Variants in SPECC1 observed in about 807,000 individuals in gnomAD.
SPECC1 encodes sperm antigen with calponin homology and coiled-coil domains 1, also known as cytospin-B.
In SPECC1, 62 loss-of-function variants were observed where a neutral mutation model predicts 104.1. That is an observed-to-expected ratio of 0.60 (90% CI 0.49 to 0.74). The LOEUF is 0.74. SPECC1 is among the 30% of genes least tolerant of loss of function. The pLI, the probability that SPECC1 is intolerant of heterozygous loss-of-function variation, is 0.00. For missense variants in SPECC1, 1,306 were observed against 1,310.5 expected (o/e 1.00, Z 0.05); for synonymous variants, 513 against 501.6 (o/e 1.02, Z -0.30).
At position 20,105,540 on chromosome 17, in the gene SPECC1, C is replaced by A. The variant is rs558359585; in HGVS notation, c.148-4887C>A. 2.0e-5 allele frequency among the ~76,000 whole-genome samples: 3 copies of A among 152,286 alleles called. No homozygotes were observed. In the East Asian group the frequency reaches 5.8e-4, roughly 29 times the overall value. On this transcript the variant is annotated intron_variant, in intron 2 of 14. Transcript: ENST00000395527. Reference sequence around the variant, plus strand: ...TTTTGCATGTCCCACTCCCTCCCCACCCTTGAAAACAAAAACAAACCCTGC... The same window carrying A: ...TTTTGCATGTCCCACTCCCTCCCCAACCTTGAAAACAAAAACAAACCCTGC...
intron 5 of SPECC1, among the ~76,000 whole-genome samples, chr17:20,228,064 C>A (rs748734989): frequency 2.0e-5 from 3 of 152,114 alleles, no homozygotes; most frequent in Non-Finnish European, 4.4e-5. Context: ...AAGAAACAAT[C>A]ATTAATCTCC....
chr17:20,164,169 A>ATTTTT (rs757191309), intron 3 of SPECC1, among the ~76,000 whole-genome samples: 1 of 135,304 alleles, frequency 7.4e-6, no homozygotes, highest in Non-Finnish European at 1.6e-5. Context: ...TTCCCATGTA[A>ATTTTT]TTTTTTTTTT....
chr17:20,163,800 A>G (rs760800392), intron 3 of SPECC1, among the ~76,000 whole-genome samples: 2 of 152,084 alleles, frequency 1.3e-5, no homozygotes, highest in African/African-American at 2.4e-5. Context: ...GGCTCAAGCT[A>G]TCCTCCCACC....
intron 13 of SPECC1, among the ~76,000 whole-genome samples, chr17:20,302,031 A>G (rs1323476524): frequency 6.6e-6 from 1 of 152,198 alleles, no homozygotes; most frequent in Non-Finnish European, 1.5e-5. Context: ...TGTTTTCAGT[A>G]AAAAGATAGG....
rs1168474738 is a variant in SPECC1 at position 20,144,175 on chromosome 17, CTTTT to C, written c.283+33637_283+33640del. On this transcript the variant is annotated intron_variant, in intron 3 of 14. Transcript: ENST00000395527. ...TTATTTAATACTGTTTTTTTCTTTT[CTTTT>C]TTTTTTTTTTTTTTTTTTTTTTTGA... is the stretch of plus-strand genomic sequence containing the variant. 6.9e-3 allele frequency among the ~76,000 whole-genome samples: 655 copies of C among 94,346 alleles called. 19 individuals carry two copies. The highest frequency in any genetic ancestry group is 0.014 in the African/African-American group (295 of 20,798). The allele number at this position is 94,346 out of a possible 152,430, so 61.9% of individuals were successfully genotyped here.
At chr17:20,194,588 C>A (rs747503228) in intron 3 of SPECC1, among the ~76,000 whole-genome samples, 2 of 140,756 alleles carry the variant, frequency 1.4e-5, no homozygotes, top group African/African-American at 5.5e-5. Context: ...CTCACTGCAA[C>A]CTCTGCCTCC....
intron 8 of SPECC1, among the ~76,000 whole-genome samples, chr17:20,246,769 A>T (rs1005057884): frequency 3.3e-5 from 5 of 152,246 alleles, no homozygotes; most frequent in Admixed American, 3.3e-4. Context: ...TGCAACAAAC[A>T]TGCCATTGTA....
rs1362544930 is a variant in SPECC1 at position 20,246,056 on chromosome 17, G to A, written c.2482G>A (p.Asp828Asn). Residue 828 changes from aspartate (D) to asparagine (N), a missense_variant, in exon 8 of 15, where the codon GAC becomes AAC. By Grantham distance (23) the Asp-to-Asn change is conservative. This residue lies in a region of SPECC1 where 1,177 missense variants were observed against 1,139.9 expected (regional missense o/e 1.03). Coordinates refer to ENST00000395527, the MANE Select transcript of SPECC1 (RefSeq NM_001243439.2). ...TTVKSLIKSF[D>N]LGRPGGAGQN... ...CGTTAAGTCACTTATCAAGTCATTTGACTTGGGACGCCCAGGTATTTAATC... is the reference window on the plus strand; with the variant it reads ...CGTTAAGTCACTTATCAAGTCATTTAACTTGGGACGCCCAGGTATTTAATC... 1.2e-6 allele frequency: 2 copies of A among 1,614,046 alleles called. No individual in the cohort carries two copies. The highest frequency in any genetic ancestry group is 2.2e-5 in the South Asian group (2 of 91,070).
At chr17:20,015,819 C>T (rs1449748581) in intron 1 of SPECC1, among the ~76,000 whole-genome samples, 1 of 149,640 alleles carries the variant, frequency 6.7e-6, no homozygotes, top group African/African-American at 2.4e-5. Context: ...CTCCTGACCT[C>T]GTGATCCGCC....
intron 1 of SPECC1, among the ~76,000 whole-genome samples, chr17:20,049,691 G>C (rs539120552): frequency 2.0e-5 from 3 of 152,156 alleles, no homozygotes; most frequent in African/African-American, 7.2e-5. Context: ...GTATGTAGGT[G>C]ATTTTCTCTT....
chr17:20,062,902 G>A (rs1390426888), intron 1 of SPECC1, among the ~76,000 whole-genome samples: 1 of 151,742 alleles, frequency 6.6e-6, no homozygotes, highest in Non-Finnish European at 1.5e-5. Context: ...TGGCCAGGCT[G>A]GTCTCGAACT....
chr17:20,312,811 T>A (rs1401056089), intron 14 of SPECC1, among the ~76,000 whole-genome samples: 3 of 152,238 alleles, frequency 2.0e-5, no homozygotes, highest in Non-Finnish European at 4.4e-5. Context: ...TGACTAATGA[T>A]AGGCTGATAA....
chr17:20,172,228 G>T (rs1398165665), intron 3 of SPECC1, among the ~76,000 whole-genome samples: 1 of 152,160 alleles, frequency 6.6e-6, no homozygotes, highest in Non-Finnish European at 1.5e-5. Context: ...CAGGGCTCCT[G>T]CATGGGCTTC....
chr17:20,018,556 C>T (rs1027535577), intron 1 of SPECC1, among the ~76,000 whole-genome samples: 1 of 152,218 alleles, frequency 6.6e-6, no homozygotes, highest in Non-Finnish European at 1.5e-5. Context: ...ATGCCCAGTC[C>T]TTGGTCTTTT....
intron 3 of SPECC1, among the ~76,000 whole-genome samples, chr17:20,161,232 C>A (rs2033118112): frequency 6.6e-6 from 1 of 152,034 alleles, no homozygotes; most frequent in Admixed American, 6.6e-5. Flanking sequence ...CTTTAAAATT[C>A]TAAGGTAATC....
rs759943499 is a variant in SPECC1 at position 20,260,215 on chromosome 17, C to T, written c.2861C>T (p.Ala954Val). The change falls in exon 12 of 15, where the codon GCA becomes GTA. Residue 954 changes from alanine to valine, a missense_variant. By Grantham distance (64) the Ala-to-Val change is moderately conservative (BLOSUM62 0). Transcript: ENST00000395527. Reference protein sequence around the residue: ...KLSVERKDPLAALAREYGGSK... With the variant: ...KLSVERKDPLVALAREYGGSK... The stretch of plus-strand genomic sequence containing the variant: ...AGTGTGGAAAGAAAAGACCCTCTGG[C>T]AGCCTTGGCCCGGGAATACGGTGGT... 7 of 1,613,666 alleles carry T rather than the reference C, an allele frequency of 4.3e-6. No individual in the cohort carries two copies. The highest frequency in any genetic ancestry group is 1.7e-4 in the Middle Eastern group (1 of 6,060).
At chr17:20,046,534 G>A (rs1226919377) in intron 1 of SPECC1, among the ~76,000 whole-genome samples, 10 of 152,236 alleles carry the variant, frequency 6.6e-5, no homozygotes, top group Non-Finnish European at 1.5e-4. Context: ...TAGAGGGGGT[G>A]GCAAACAATG....
At chr17:20,156,338 C>T (rs896763594) in intron 3 of SPECC1, 5 of 1,246,654 alleles carry the variant, frequency 4.0e-6, no homozygotes, top group Non-Finnish European at 5.1e-6. Flanking sequence ...CTGGGGCGAG[C>T]GAAAGGCTAA....
chr17:20,246,198 C>G, intron 8 of SPECC1, 127 bp downstream of exon 8: 1 of 1,108,956 alleles, frequency 9.0e-7, no homozygotes. Flanking sequence ...TTTCCAGGTC[C>G]TACCACGTGC....
Sources: allele counts gnomAD v4.1 joint callset (sites outside exome capture counted in the v4.1 genomes callset), GRCh38; gene constraint gnomAD v4.1.1; regional missense constraint gnomAD v4.1.1; transcripts MANE v1.5; gene names NCBI Gene and HGNC (gene_info 2026-07-23, HGNC 2026-07-21).